Variants in ZNF569 observed in about 807,000 individuals in gnomAD.
ZNF569 encodes the protein zinc finger protein 569, also known as DNA-binding protein.
Under a neutral mutation model 56.3 loss-of-function variants are expected in ZNF569, and 38 were observed. The ratio of observed to expected loss-of-function variants is 0.68; its 90% CI spans 0.52 to 0.88. ZNF569 has a LOEUF of 0.88. ZNF569 is among the 40% of genes least tolerant of loss of function. ZNF569 has a pLI of 0.00. For synonymous variants in ZNF569, 241 were observed against 262.9 expected, an observed-to-expected ratio of 0.92 and a Z score of 0.81; for missense variants, 666 against 809.2, an observed-to-expected ratio of 0.82 and a Z score of 2.15.
intron 3 of ZNF569, among the ~76,000 whole-genome samples, chr19:37,433,467 T>C (rs1264043246): frequency 6.6e-6 from 1 of 152,076 alleles, no homozygotes; most frequent in East Asian, 1.9e-4. Context: ...TTCCCAAACC[T>C]AGAGAAAGAT....
At chr19:37,443,495 G>A (rs2041442598) in intron 3 of ZNF569, among the ~76,000 whole-genome samples, 1 of 152,144 alleles carries the variant, frequency 6.6e-6, no homozygotes, top group South Asian at 2.1e-4. Flanking sequence ...AGAATATCAA[G>A]TGTACTAGGT....
chr19:37,439,196 G>C (rs1055041694), intron 3 of ZNF569, among the ~76,000 whole-genome samples: 1 of 152,160 alleles, frequency 6.6e-6, no homozygotes, highest in Non-Finnish European at 1.5e-5. Flanking sequence ...TCAGCCTCCT[G>C]AGTAGCTGGG....
upstream of ZNF569, among the ~76,000 whole-genome samples, chr19:37,468,667 G>A (rs1215717849): frequency 6.6e-6 from 1 of 152,144 alleles, no homozygotes; most frequent in Non-Finnish European, 1.5e-5. Context: ...CACCACGCCC[G>A]GCTAATTTTT....
chr19:37,431,147 C>T (rs916905057), intron 3 of ZNF569, among the ~76,000 whole-genome samples: 10 of 152,118 alleles, frequency 6.6e-5, no homozygotes, highest in Admixed American at 2.6e-4. Flanking sequence ...CTGGGCAAGT[C>T]CTGGTGCTGT....
Position 37,412,427 on chromosome 19 carries a change from T to C in ZNF569, c.*170A>G. 1 of 1,204,900 alleles carries C rather than the reference T, an allele frequency of 8.3e-7. No homozygotes were observed. The highest frequency in any genetic ancestry group is 1.1e-6 in the Non-Finnish European group (1 of 935,494). The allele number at this position is 1,204,900 out of a possible 1,614,324, so 74.6% of individuals were successfully genotyped here. A position where few individuals can be genotyped will look rare whatever the true frequency, so the allele number is the denominator to read the frequency against. On this transcript the variant is annotated 3_prime_UTR_variant, in exon 6 of 6. Transcript: ENST00000316950. ...AAGTTTCTGGTAACAGCTTTTTCAT[T>C]ATATAATTTGTCACCTTGGAAGAAT...
intron 3 of ZNF569, among the ~76,000 whole-genome samples, chr19:37,429,570 G>GC (rs2146900017): frequency 6.6e-6 from 1 of 152,332 alleles, no homozygotes; most frequent in Admixed American, 6.5e-5. Context: ...AAGGGATGGT[G>GC]CTCGAATCCT....
chr19:37,456,918 A>G (rs1319403106), intron 2 of ZNF569, among the ~76,000 whole-genome samples: 2 of 151,632 alleles, frequency 1.3e-5, no homozygotes, highest in Admixed American at 1.3e-4. Flanking sequence ...CAGTGAGTCT[A>G]GATCGCGCCA....
Position 37,448,721 on chromosome 19 carries a change from G to T in ZNF569, c.-43-3757C>A, listed in dbSNP as rs149710608. ...TGGGACTAAACGCGCCCGCAACCAC[G>T]CCCGGCTGATTTTTTGTATTTTTAG... On this transcript the variant is annotated intron_variant, in intron 2 of 5. Coordinates refer to ENST00000316950, the MANE Select transcript of ZNF569 (RefSeq NM_152484.3). Among the ~76,000 whole-genome samples, 833 of 151,696 alleles carry T rather than the reference G, an allele frequency of 5.5e-3. 2 individuals are homozygous for T. Among genetic ancestry groups the T allele is most frequent in the Non-Finnish European group, 0.01 (685 of 67,924 alleles).
At position 37,423,557 on chromosome 19, in the gene ZNF569, G is replaced by A. The variant is rs58356286; in HGVS notation, c.238+2311C>T. ...TGATAATCTCCTATAGGAACAGATT[G>A]TTTTAACTACATGAATTATTTTAAA... On this transcript the variant is annotated intron_variant, in intron 5 of 5. Transcript: ENST00000316950. 8.9e-3 allele frequency among the ~76,000 whole-genome samples: 1,348 copies of A among 152,236 alleles called. 20 individuals are homozygous for A. The highest frequency in any genetic ancestry group is 0.031 in the African/African-American group (1,273 of 41,548).
chr19:37,415,882 A>G (rs927135138), intron 5 of ZNF569, among the ~76,000 whole-genome samples: 2 of 151,526 alleles, frequency 1.3e-5, no homozygotes, highest in African/African-American at 4.8e-5. Context: ...TCTGTCTCAA[A>G]AGAAAAAAGA....
In ZNF569 at chr19:37,413,628, G is replaced by A; in HGVS notation, c.1030C>T (p.His344Tyr). 6.2e-7 allele frequency: 1 copy of A among 1,613,976 alleles called. No individual in the cohort carries two copies. Among genetic ancestry groups the A allele is most frequent in the Non-Finnish European group, 8.5e-7 (1 of 1,179,954 alleles). The change falls in exon 6 of 6, where the codon CAT (histidine) becomes TAT (tyrosine). Residue 344 changes from histidine (H) to tyrosine (Y), a missense_variant. Transcript: ENST00000316950. Reference sequence around the variant, plus strand: ...TTTTCTCCTGTATGACTTCTCATATGAAGAGCAAGGGATGCAATTCGAGGG... The same window carrying A: ...TTTTCTCCTGTATGACTTCTCATATAAAGAGCAAGGGATGCAATTCGAGGG... ...AFPRIASLALHMRSHTGEKPY... is the reference protein window; with the variant it reads ...AFPRIASLALYMRSHTGEKPY...
At chr19:37,416,714 C>T (rs978542433) in intron 5 of ZNF569, among the ~76,000 whole-genome samples, 1 of 151,718 alleles carries the variant, frequency 6.6e-6, no homozygotes, top group Non-Finnish European at 1.5e-5. Context: ...TTTGTAGTTG[C>T]AGAAAGCATG....
chr19:37,460,857 G>C (rs759787226), intron 2 of ZNF569, among the ~76,000 whole-genome samples: 1 of 151,700 alleles, frequency 6.6e-6, no homozygotes, highest in Non-Finnish European at 1.5e-5. Flanking sequence ...GTCTGAACCA[G>C]ATTTTCAGAA....
At chr19:37,445,739 A>G (rs2041482905) in intron 2 of ZNF569, among the ~76,000 whole-genome samples, 2 of 152,230 alleles carry the variant, frequency 1.3e-5, no homozygotes, top group Non-Finnish European at 2.9e-5. Flanking sequence ...GTACTTGACC[A>G]AGGAGGTAAA....
intron 3 of ZNF569, among the ~76,000 whole-genome samples, chr19:37,436,043 C>T (rs2041304108): frequency 6.6e-6 from 1 of 152,160 alleles, no homozygotes; most frequent in South Asian, 2.1e-4. Flanking sequence ...GCAGAATGCG[C>T]ATTCTTTTCC....
At chr19:37,464,299 C>T (rs578206235) in intron 2 of ZNF569, among the ~76,000 whole-genome samples, 5 of 152,228 alleles carry the variant, frequency 3.3e-5, no homozygotes, top group African/African-American at 1.2e-4. Context: ...AAGCAATTCT[C>T]CTGCCTCAGC....
At chr19:37,468,108 A>G (rs909001700), upstream of ZNF569, 8 of 642,438 alleles carry the variant, frequency 1.2e-5, no homozygotes, top group Admixed American at 2.3e-4. Context: ...TTTTTGAGGC[A>G]GAGCCTCACT....
intron 3 of ZNF569, among the ~76,000 whole-genome samples, chr19:37,427,394 C>G (rs1239428520): frequency 6.6e-6 from 1 of 151,884 alleles, no homozygotes; most frequent in Non-Finnish European, 1.5e-5. Context: ...ATATAGAAAT[C>G]TAATGCACTC....
chr19:37,443,399 A>T (rs1428670030), intron 3 of ZNF569, among the ~76,000 whole-genome samples: 1 of 152,230 alleles, frequency 6.6e-6, no homozygotes, highest in African/African-American at 2.4e-5. Context: ...TCAGAAGAGC[A>T]AAGCTTTGAG....
Sources: gnomAD v4.1 joint callset for allele counts (sites outside exome capture counted in the v4.1 genomes callset) on GRCh38, gnomAD v4.1.1 for gene constraint, MANE v1.5 for transcripts, NCBI Gene and HGNC (gene_info 2026-07-23, HGNC 2026-07-21) for gene names.